The following PRELID2 variants were observed in gnomAD, a reference collection of about 807,000 sequenced individuals.
PRELID2 encodes the protein PRELI domain containing 2.
PRELID2 carries 25 observed loss-of-function variants against 28.4 expected under a neutral mutation model. That is an observed-to-expected ratio of 0.88 (90% CI 0.64 to 1.23). The LOEUF (loss-of-function observed/expected upper bound fraction) is 1.23. PRELID2 is among the 50% of genes most tolerant of loss of function. The pLI is 0.00. For missense variants in PRELID2, 201 were observed against 214.4 expected (o/e 0.94, Z 0.39); for synonymous variants, 76 against 71.6 (o/e 1.06, Z -0.31).
At chr5:145,652,865 T>C (rs1219500464) in intron 1 of PRELID2, among the ~76,000 whole-genome samples, 2 of 152,112 alleles carry the variant, frequency 1.3e-5, no homozygotes, top group Non-Finnish European at 2.9e-5. Flanking sequence ...TAACCAGCTA[T>C]CATCATAATG....
chr5:145,676,408 A>G (rs1029034247), intron 1 of PRELID2, among the ~76,000 whole-genome samples: 1 of 151,922 alleles, frequency 6.6e-6, no homozygotes. Context: ...GCTTGGTGGC[A>G]GGTGCCTATA....
chr5:145,815,855 T>G (rs1044694072), intron 4 of PRELID2, among the ~76,000 whole-genome samples: 15 of 152,222 alleles, frequency 9.9e-5, no homozygotes, highest in African/African-American at 3.1e-4. Flanking sequence ...TATAATGCTA[T>G]GAAAGTTTTG....
chr5:145,571,978 T>C (rs1194779437), intron 1 of PRELID2, among the ~76,000 whole-genome samples: 2 of 135,758 alleles, frequency 1.5e-5, no homozygotes, highest in Non-Finnish European at 3.0e-5. Context: ...TGAGACTCCG[T>C]CTCAAAAAAA....
At chr5:145,767,027 A>G (rs1757803947) in intron 5 of PRELID2, among the ~76,000 whole-genome samples, 1 of 152,122 alleles carries the variant, frequency 6.6e-6, no homozygotes, top group South Asian at 2.1e-4. Flanking sequence ...GTCCCTGGTG[A>G]GGGCCACACC....
rs36117637 is a variant in PRELID2, at chr5:145,697,033, TTATATATATATATATATATATATATATA to T, written n.70+67870_70+67897del. Among the ~76,000 whole-genome samples the T allele has an allele frequency of 9.4e-3, 477 of 50,662 alleles. 7 individuals carry two copies. Among genetic ancestry groups the T allele is most frequent in the Admixed American group, 0.019 (60 of 3,186 alleles). The allele number at this position is 50,662 out of a possible 152,430, so 33.2% of individuals were successfully genotyped here. A position where few individuals can be genotyped will look rare whatever the true frequency, so the allele number is the denominator to read the frequency against. ...AGTGGATGTAGGAAAGAGAGGAAAA[TTATATATATATATATATATATATATATA>T]TATATATATATATATATATACACAC... On this transcript the variant is annotated intron_variant and non_coding_transcript_variant, in intron 1 of 2. Coordinates refer to the PRELID2 transcript ENST00000510259.
intron 1 of PRELID2, among the ~76,000 whole-genome samples, chr5:145,542,463 T>C (rs997211429): frequency 6.6e-6 from 1 of 152,156 alleles, no homozygotes; most frequent in African/African-American, 2.4e-5. Flanking sequence ...ATAAGGACTT[T>C]AGCAGTGAAT....
intron 1 of PRELID2, among the ~76,000 whole-genome samples, chr5:145,655,215 G>C (rs2149673767): frequency 6.6e-6 from 1 of 152,008 alleles, no homozygotes; most frequent in South Asian, 2.1e-4. Flanking sequence ...CCTCTTCAAG[G>C]AGAACTACAA....
the PRELID2 span, among the ~76,000 whole-genome samples, chr5:145,455,097 G>A: frequency 6.6e-6 from 1 of 151,992 alleles, no homozygotes; most frequent in Non-Finnish European, 1.5e-5. Flanking sequence ...TTCTTCTTGG[G>A]TTTTATGGTT....
intron 1 of PRELID2, among the ~76,000 whole-genome samples, chr5:145,582,323 G>A (rs1753114351): frequency 6.6e-6 from 1 of 152,058 alleles, no homozygotes; most frequent in Non-Finnish European, 1.5e-5. Context: ...GACGGTAAAG[G>A]AAAAGCAAGG....
At chr5:145,667,539 A>T (rs1754618204) in intron 1 of PRELID2, among the ~76,000 whole-genome samples, 2 of 152,088 alleles carry the variant, frequency 1.3e-5, no homozygotes, top group African/African-American at 2.4e-5. Context: ...TTGCATGCTC[A>T]GTGAGTGACA....
chr5:145,687,978 G>A (rs889902017), intron 1 of PRELID2, among the ~76,000 whole-genome samples: 41 of 152,200 alleles, frequency 2.7e-4, no homozygotes, highest in African/African-American at 9.7e-4. Flanking sequence ...TTTCTTCATT[G>A]CATGGTGCAG....
At chr5:145,825,429 G>A (rs1755130169) in intron 1 of PRELID2, among the ~76,000 whole-genome samples, 1 of 151,946 alleles carries the variant, frequency 6.6e-6, no homozygotes, top group African/African-American at 2.4e-5. Flanking sequence ...TCTGAATTGT[G>A]ATTATATGTG....
chr5:145,249,258 G>T, the PRELID2 span, among the ~76,000 whole-genome samples: 1 of 152,130 alleles, frequency 6.6e-6, no homozygotes, highest in Admixed American at 6.6e-5. Context: ...GCTCTTGTTA[G>T]TCAATAACTA....
chr5:145,388,640 C>T, the PRELID2 span, among the ~76,000 whole-genome samples: 2 of 152,160 alleles, frequency 1.3e-5, no homozygotes, highest in Admixed American at 1.3e-4. Context: ...CCTTTAAGCA[C>T]ATTGGCTTTT....
At chr5:145,470,794 C>T (rs1355328610), downstream of PRELID2, among the ~76,000 whole-genome samples, 1 of 152,080 alleles carries the variant, frequency 6.6e-6, no homozygotes, top group Non-Finnish European at 1.5e-5. Flanking sequence ...GACTAATAGA[C>T]CCTCTCCTCT....
At chr5:145,422,029 G>A in the PRELID2 span, among the ~76,000 whole-genome samples, 1 of 146,106 alleles carries the variant, frequency 6.8e-6, no homozygotes, top group African/African-American at 2.5e-5. Context: ...CAGTTTCCAT[G>A]TAGTTGAGTG....
At chr5:145,348,776 G>T in the PRELID2 span, among the ~76,000 whole-genome samples, 1 of 151,892 alleles carries the variant, frequency 6.6e-6, no homozygotes, top group African/African-American at 2.4e-5. Flanking sequence ...CCATGAAAAG[G>T]CATTATCACA....
intron 1 of PRELID2, among the ~76,000 whole-genome samples, chr5:145,619,072 G>A (rs1361401325): frequency 6.6e-6 from 1 of 152,148 alleles, no homozygotes; most frequent in African/African-American, 2.4e-5. Flanking sequence ...CAGGCAGTGG[G>A]CAAGCAGGGC....
At chr5:145,316,693 A>AG in the PRELID2 span, among the ~76,000 whole-genome samples, 1 of 152,220 alleles carries the variant, frequency 6.6e-6, no homozygotes, top group Non-Finnish European at 1.5e-5. Flanking sequence ...GCTACTCCCC[A>AG]GAGCAGGGTA....
Sources: gnomAD v4.1 joint callset for allele counts (sites outside exome capture counted in the v4.1 genomes callset) on GRCh38, gnomAD v4.1.1 for gene constraint, MANE v1.5 for transcripts, NCBI Gene and HGNC (gene_info 2026-07-23, HGNC 2026-07-21) for gene names.